The following PDXDC1 variants were observed in gnomAD, a reference collection of about 807,000 sequenced individuals.
The protein encoded by PDXDC1 is pyridoxal-dependent decarboxylase domain-containing protein 1.
A neutral mutation model predicts 100.1 loss-of-function variants in PDXDC1; 42 were observed. The ratio of observed to expected loss-of-function variants is 0.42; its 90% confidence interval spans 0.33 to 0.54. The LOEUF (loss-of-function observed/expected upper bound fraction) is 0.54. PDXDC1 is among the 20% of genes least tolerant of loss of function. PDXDC1 has a pLI of 0.10. For synonymous variants in PDXDC1, 260 were observed against 371.7 expected (o/e 0.70, Z 3.46); for missense variants, 636 against 979.2 (o/e 0.65, Z 4.68).
chr16:15,068,486 G>A (rs990884105), intron 16 of PDXDC1, among the ~76,000 whole-genome samples: 2 of 152,148 alleles, frequency 1.3e-5, no homozygotes, highest in Non-Finnish European at 2.9e-5. Context: ...TGGTCACCAA[G>A]GCAGCTTCTC....
At chr16:15,146,450 G>A in the PDXDC1 span, among the ~76,000 whole-genome samples, 17 of 152,230 alleles carry the variant, frequency 1.1e-4, no homozygotes, top group Admixed American at 5.9e-4. Flanking sequence ...GACGATACTC[G>A]CGGCTCTGCC....
chr16:15,111,331 C>T (rs1454912938), intron 16 of PDXDC1, among the ~76,000 whole-genome samples: 2 of 147,408 alleles, frequency 1.4e-5, no homozygotes, highest in Admixed American at 6.8e-5. Context: ...TGGTGCATGC[C>T]TGTAATCCCA....
intron 16 of PDXDC1, chr16:15,074,937 T>G (rs2045388084): frequency 7.3e-7 from 1 of 1,378,054 alleles, no homozygotes; most frequent in Non-Finnish European, 9.9e-7. Flanking sequence ...CTGTCATAAG[T>G]GATTATTTCC....
At chr16:15,023,147 C>G (rs2042331813) in intron 13 of PDXDC1, among the ~76,000 whole-genome samples, 1 of 152,288 alleles carries the variant, frequency 6.6e-6, no homozygotes, top group Non-Finnish European at 1.5e-5. Context: ...CTTTCTGCAA[C>G]CTTCTGCCAT....
chr16:15,060,034 G>T, intron 16 of PDXDC1: 1 of 183,892 alleles, frequency 5.4e-6, no homozygotes, highest in South Asian at 8.4e-5. Context: ...GAAAGAACAT[G>T]TATTGAGGTA....
At chr16:15,041,195 G>A, downstream of PDXDC1, 1 of 990,604 alleles carries the variant, frequency 1.0e-6, no homozygotes, top group South Asian at 1.3e-5. Context: ...GTATAATAAA[G>A]GCGAAGGAGG....
Position 15,069,394 on chromosome 16 carries a change from T to A in PDXDC1, c.1399+39338T>A, listed in dbSNP as rs373640940. On this transcript the variant is annotated intron_variant, in intron 16 of 16. Coordinates refer to the PDXDC1 transcript ENST00000535621. ...CCCACAAAACCATAAGAATTATTCA[T>A]AAACATAAACAGAACAATTTACAAT... Among the ~76,000 whole-genome samples the A allele has an allele frequency of 1.4e-4, 21 of 152,294 alleles. No individual in the cohort carries two copies. The East Asian group carries it at 3.3e-3, about 24-fold the overall frequency.
At chr16:15,107,307 T>TG (rs916486269) in intron 16 of PDXDC1, 3 of 343,588 alleles carry the variant, frequency 8.7e-6, no homozygotes, top group African/African-American at 7.0e-5. Flanking sequence ...CCCAAGAGGG[T>TG]GGGGTTCAGT....
At chr16:15,094,042 T>C (rs988965766) in intron 16 of PDXDC1, 1 of 1,043,198 alleles carries the variant, frequency 9.6e-7, no homozygotes, top group African/African-American at 1.6e-5. Context: ...CGTGCTCCTA[T>C]CACACGCCAT....
chr16:15,027,471 G>A (rs1343239746), intron 14 of PDXDC1, among the ~76,000 whole-genome samples: 1 of 152,288 alleles, frequency 6.6e-6, no homozygotes, highest in African/African-American at 2.4e-5. Flanking sequence ...TTATCACAAG[G>A]ACAGAGGGAT....
chr16:15,096,767 C>T (rs964084179), intron 16 of PDXDC1, among the ~76,000 whole-genome samples: 21 of 152,256 alleles, frequency 1.4e-4, no homozygotes, highest in Middle Eastern at 3.2e-3. Context: ...GTTGCAGCCT[C>T]GGGCTCCTAC....
At chr16:15,069,645 T>C (rs1489845717) in intron 16 of PDXDC1, among the ~76,000 whole-genome samples, 1 of 152,206 alleles carries the variant, frequency 6.6e-6, no homozygotes, top group Non-Finnish European at 1.5e-5. Context: ...CATGTGATCT[T>C]GGGAAAATGA....
intron 16 of PDXDC1, chr16:15,134,117 T>C (rs2048238940): frequency 2.1e-6 from 3 of 1,427,418 alleles, no homozygotes; most frequent in Non-Finnish European, 1.9e-6. Flanking sequence ...CCCTCTGCCC[T>C]GTCAGCCCCA....
chr16:15,137,299 G>A (rs1158992871), intron 16 of PDXDC1: 11 of 1,016,618 alleles, frequency 1.1e-5, no homozygotes, highest in African/African-American at 1.6e-5. Context: ...CCCTACAGGT[G>A]GGGGCAGGAG....
rs566052602 is a variant in PDXDC1 at position 15,135,329 on chromosome 16, C to T, written c.1400-3550C>T. Reference sequence around the variant, plus strand: ...GCGGCCGGCCTTCCACACGGTGAGGCTGAAGGTGTACTCCACGCCAGCCGC... The same window carrying T: ...GCGGCCGGCCTTCCACACGGTGAGGTTGAAGGTGTACTCCACGCCAGCCGC... On this transcript the variant is annotated intron_variant, in intron 16 of 16. Coordinates refer to the PDXDC1 transcript ENST00000535621. 1.1e-4 allele frequency: 170 copies of T among 1,537,110 alleles called. No individual in the cohort carries two copies. The African/African-American group carries it at 1.5e-3, about 14-fold the overall frequency.
intron 16 of PDXDC1, chr16:15,047,370 C>CT: frequency 1.0e-6 from 1 of 997,972 alleles, no homozygotes; most frequent in South Asian, 1.3e-5. Context: ...CCCCTAACAG[C>CT]TTCCACAGCC....
chr16:15,031,982 C>G, intron 17 of PDXDC1, 76 bp downstream of exon 17: 1 of 1,230,636 alleles, frequency 8.1e-7, no homozygotes. Flanking sequence ...TTCTGAACCA[C>G]CTTAGAAATC....
the PDXDC1 span, among the ~76,000 whole-genome samples, chr16:15,151,950 A>C: frequency 4.2e-5 from 6 of 142,340 alleles, no homozygotes; most frequent in Non-Finnish European, 7.9e-5. Flanking sequence ...AAAAAAAAAA[A>C]AAACACATGG....
intron 12 of PDXDC1, among the ~76,000 whole-genome samples, chr16:15,019,203 C>CA (rs1403030364): frequency 1.3e-5 from 2 of 152,252 alleles, no homozygotes; most frequent in Non-Finnish European, 2.9e-5. Context: ...ACACCACTGT[C>CA]AGCATGGGAT....
Sources: gnomAD v4.1 joint callset for allele counts (sites outside exome capture counted in the v4.1 genomes callset) on GRCh38, gnomAD v4.1.1 for gene constraint, MANE v1.5 for transcripts, NCBI Gene and HGNC (gene_info 2026-07-23, HGNC 2026-07-21) for gene names.